The following TPO variants were observed in gnomAD, a reference collection of about 807,000 sequenced individuals.
The protein encoded by TPO is thyroid peroxidase.
TPO carries 78 observed loss-of-function variants against 96.9 expected under a neutral mutation model. That is an observed-to-expected ratio of 0.81 (90% CI 0.67 to 0.97). The LOEUF (loss-of-function observed/expected upper bound fraction) is 0.97, where lower values mean the gene tolerates loss of function less well. Among genes scored for constraint, TPO ranks in the 50% least tolerant of loss-of-function variants. The pLI is 0.00. For synonymous variants in TPO, 547 were observed against 538.0 expected, an observed-to-expected ratio of 1.02 and a Z score of -0.23; for missense variants, 1,252 against 1,274.8, an observed-to-expected ratio of 0.98 and a Z score of 0.27.
intron 5 of TPO, among the ~76,000 whole-genome samples, chr2:1,445,839 C>A (rs1666752273): frequency 1.4e-5 from 2 of 140,408 alleles, no homozygotes; most frequent in Non-Finnish European, 3.1e-5. Flanking sequence ...GGGGCAGGCT[C>A]CTTCCTGTTT....
At chr2:1,426,309 C>G (rs1019433967) in intron 3 of TPO, among the ~76,000 whole-genome samples, 1 of 149,860 alleles carries the variant, frequency 6.7e-6, no homozygotes. Context: ...TTCTAGATGC[C>G]AGGATACAGA....
intron 15 of TPO, among the ~76,000 whole-genome samples, chr2:1,527,921 A>AGCAACCTCCTCAAATCCCCCCACTGCGT (rs1677001201): frequency 4.2e-5 from 1 of 23,868 alleles, no homozygotes; most frequent in African/African-American, 1.5e-4. Context: ...CCCCAATGTG[A>AGCAACCTCCTCAAATCCCCCCACTGCGT]GCAACCTCCT....
rs143485756 is a variant in TPO at position 1,464,260 on chromosome 2, G to A, written c.819+7978G>A. ...TTTTATGGCTGAGTAGTATTCCATC[G>A]TATATAAAAAATCACAGTTTCTTTA... On this transcript the variant is annotated intron_variant, in intron 7 of 16. Transcript: ENST00000329066. Among the ~76,000 whole-genome samples the A allele has an allele frequency of 3.3e-3, 501 of 152,196 alleles. 6 individuals carry two copies. Among genetic ancestry groups the A allele is most frequent in the African/African-American group, 0.011 (477 of 41,512 alleles).
intron 15 of TPO, among the ~76,000 whole-genome samples, chr2:1,528,178 AC>A (rs1344319634): frequency 4.6e-5 from 3 of 64,798 alleles, no homozygotes; most frequent in African/African-American, 6.7e-5. Flanking sequence ...CTGTGAGCAA[AC>A]CCCCACATCC....
chr2:1,483,695 A>G (rs761565692), intron 8 of TPO, among the ~76,000 whole-genome samples: 24 of 152,168 alleles, frequency 1.6e-4, no homozygotes, highest in Non-Finnish European at 2.9e-4. Context: ...ACTGGGAAAC[A>G]TTTGGATGCT....
chr2:1,432,431 A>C (rs998563131), intron 3 of TPO, among the ~76,000 whole-genome samples: 10 of 152,150 alleles, frequency 6.6e-5, no homozygotes, highest in Non-Finnish European at 1.3e-4. Context: ...GCTGCTGAGA[A>C]TCTAAAAAGG....
Position 1,496,114 on chromosome 2 carries a change from T to C in TPO, c.2132T>C (p.Val711Ala). ...LTRVPMDAFQ[V>A]GKFPEDFESC... ...AGGGTGCCCATGGATGCCTTCCAAG[T>C]CGGCAAATTCCCCGAAGACTTTGAG... Residue 711 changes from valine to alanine, a missense_variant, in exon 12 of 17, where the codon GTC (valine) becomes GCC (alanine). By Grantham distance (64) the Val-to-Ala change is moderately conservative. Coordinates refer to ENST00000329066, the MANE Select transcript of TPO (RefSeq NM_001206744.2). The C allele has an allele frequency of 6.2e-7, 1 of 1,614,088 alleles. No individual in the cohort carries two copies. The highest frequency in any genetic ancestry group is 8.5e-7 in the Non-Finnish European group (1 of 1,180,008).
chr2:1,479,837 AGTG>A (rs1670372466), intron 8 of TPO, among the ~76,000 whole-genome samples: 1 of 151,438 alleles, frequency 6.6e-6, no homozygotes, highest in Non-Finnish European at 1.5e-5. Context: ...GCTGGAGTAT[AGTG>A]GTGAGACCTT....
intron 1 of TPO, among the ~76,000 whole-genome samples, chr2:1,393,986 G>A (rs1177912226): frequency 2.0e-5 from 3 of 152,186 alleles, no homozygotes; most frequent in Non-Finnish European, 2.9e-5. Context: ...TGTCAAGGGC[G>A]CTTTAGTAAC....
intron 3 of TPO, among the ~76,000 whole-genome samples, chr2:1,428,386 G>A (rs1337525847): frequency 6.6e-6 from 1 of 152,308 alleles, no homozygotes; most frequent in Non-Finnish European, 1.5e-5. Flanking sequence ...TGGACATGAC[G>A]GGAAAGTGAC....
chr2:1,459,220 C>T (rs1384226570), intron 7 of TPO, among the ~76,000 whole-genome samples: 8 of 151,692 alleles, frequency 5.3e-5, no homozygotes, highest in African/African-American at 7.3e-5. Flanking sequence ...GGTGCAATCT[C>T]GGCTCACTGC....
intron 15 of TPO, among the ~76,000 whole-genome samples, chr2:1,527,651 C>T (rs1195334439): frequency 6.2e-5 from 9 of 146,312 alleles, no homozygotes; most frequent in African/African-American, 2.1e-4. Context: ...CCCCAAATCC[C>T]CCCCCAATCT....
intron 4 of TPO, among the ~76,000 whole-genome samples, chr2:1,435,057 CTGAG>C (rs935808306): frequency 2.6e-5 from 4 of 152,218 alleles, no homozygotes; most frequent in Non-Finnish European, 5.9e-5. Context: ...CCTCAGCCTC[CTGAG>C]TAACTGGGAC....
chr2:1,418,549 T>C (rs1204824445), intron 2 of TPO, among the ~76,000 whole-genome samples: 1 of 152,162 alleles, frequency 6.6e-6, no homozygotes, highest in East Asian at 1.9e-4. Flanking sequence ...AATCTATGCT[T>C]GACCATTGTT....
At chr2:1,432,861 A>G (rs1292696906) in intron 3 of TPO, among the ~76,000 whole-genome samples, 4 of 149,808 alleles carry the variant, frequency 2.7e-5, no homozygotes, top group Middle Eastern at 3.6e-3. Context: ...GAGGCCCCAG[A>G]TGAGGAGAGG....
At position 1,457,517 on chromosome 2, in the gene TPO, G is replaced by C. The variant is rs28910577; in HGVS notation, c.819+1235G>C. Among the ~76,000 whole-genome samples, 2 of 32,930 alleles carry C rather than the reference G, an allele frequency of 6.1e-5. 1 individual carries two copies. The highest frequency in any genetic ancestry group is 1.4e-4 in the Non-Finnish European group (2 of 14,632). 21.6% of individuals were successfully genotyped at this position (32,930 alleles called of 152,430 possible). Reference sequence around the variant, plus strand: ...ATGTGTACATAGCATGTATGATACTGTGGGTACACATATATAGCATGTATG... The same window carrying C: ...ATGTGTACATAGCATGTATGATACTCTGGGTACACATATATAGCATGTATG... On this transcript the variant is annotated intron_variant, in intron 7 of 16. Coordinates refer to ENST00000329066, the MANE Select transcript of TPO (RefSeq NM_001206744.2).
rs1680615771 is a variant in TPO, at chr2:1,540,529, C to CTCTCTACCCTCCACAGTCA, written c.2619-64_2619-46dup. The CTCTCTACCCTCCACAGTCA allele has an allele frequency of 6.2e-6, 10 of 1,605,092 alleles. No homozygotes were observed. In the South Asian group the frequency reaches 1.1e-4, roughly 18 times the overall value. On this transcript the variant is annotated intron_variant, in intron 15 of 16. Coordinates refer to ENST00000329066, the MANE Select transcript of TPO (RefSeq NM_001206744.2). The stretch of plus-strand genomic sequence containing the variant: ...CTGCCTTGCCGTCGCTCGTGCCGTG[C>CTCTCTACCCTCCACAGTCA]TCTCTACCCTCCACAGTCACGGTGC...
At chr2:1,384,731 A>G (rs950174958) in intron 1 of TPO, among the ~76,000 whole-genome samples, 27 of 152,176 alleles carry the variant, frequency 1.8e-4, no homozygotes, top group Non-Finnish European at 2.9e-4. Flanking sequence ...TTCCCTGGCC[A>G]GAACTTCCAA....
At chr2:1,538,780 T>C (rs1296266240) in intron 15 of TPO, among the ~76,000 whole-genome samples, 3 of 152,074 alleles carry the variant, frequency 2.0e-5, no homozygotes, top group Non-Finnish European at 4.4e-5. Context: ...GCAACAGACG[T>C]TGATGTTCTC....
Sources: allele counts gnomAD v4.1 joint callset (sites outside exome capture counted in the v4.1 genomes callset), GRCh38; gene constraint gnomAD v4.1.1; transcripts MANE v1.5; gene names NCBI Gene and HGNC (gene_info 2026-07-23, HGNC 2026-07-21).